Variants in LYPLAL1 observed in about 807,000 individuals in gnomAD.
LYPLAL1 encodes lysophospholipase like 1, also known as lysophospholipase-like protein 1.
LYPLAL1 carries 23 observed loss-of-function variants against 19.7 expected under a neutral mutation model. The observed-to-expected ratio is 1.17, with a 90% CI of 0.84 to 1.65. The LOEUF (loss-of-function observed/expected upper bound fraction) is 1.65, where lower values mean the gene tolerates loss of function less well. Ranked by LOEUF, LYPLAL1 falls within the 40% of genes most tolerant of loss-of-function variation. The pLI is 0.00. For missense variants in LYPLAL1, 355 were observed against 279.4 expected (o/e 1.27, Z -1.93); for synonymous variants, 119 against 96.3 (o/e 1.24, Z -1.38).
At chr1:219,304,242 T>G in the LYPLAL1 span, among the ~76,000 whole-genome samples, 2 of 152,238 alleles carry the variant, frequency 1.3e-5, no homozygotes, top group South Asian at 4.1e-4. Flanking sequence ...CATATCTTAA[T>G]ATATTTGTGG....
At chr1:219,431,560 C>T in the LYPLAL1 span, among the ~76,000 whole-genome samples, 2 of 152,238 alleles carry the variant, frequency 1.3e-5, no homozygotes, top group African/African-American at 2.4e-5. Flanking sequence ...CTGCCACTGA[C>T]ATGGCACAGT....
chr1:219,187,802 T>C (rs764078928), intron 2 of LYPLAL1, among the ~76,000 whole-genome samples: 1 of 151,694 alleles, frequency 6.6e-6, no homozygotes, highest in Non-Finnish European at 1.5e-5. Flanking sequence ...AGGAGAGCCC[T>C]CTCCTGATAA....
chr1:219,202,522 A>G (rs1658198712), intron 3 of LYPLAL1, among the ~76,000 whole-genome samples: 1 of 152,160 alleles, frequency 6.6e-6, no homozygotes, highest in South Asian at 2.1e-4. Context: ...ACTTTTGTAC[A>G]GTGTCTATTA....
the LYPLAL1 span, among the ~76,000 whole-genome samples, chr1:219,241,134 C>CTCTCTATATATATATATA: frequency 1.1e-3 from 49 of 44,350 alleles, no homozygotes; most frequent in Middle Eastern, 0.016. Flanking sequence ...CTCTCTCTCT[C>CTCTCTATATATATATATA]TATATATATA....
the LYPLAL1 span, among the ~76,000 whole-genome samples, chr1:219,260,542 ATACT>A: frequency 6.0e-5 from 9 of 151,130 alleles, no homozygotes; most frequent in Admixed American, 1.3e-4. Context: ...AGAACTGGAG[ATACT>A]TAGTAGGCTC....
chr1:219,251,659 C>T, the LYPLAL1 span, among the ~76,000 whole-genome samples: 1 of 151,968 alleles, frequency 6.6e-6, no homozygotes, highest in Non-Finnish European at 1.5e-5. Context: ...GTATCAGTAC[C>T]ATAGTGTTTT....
chr1:219,273,293 A>G, the LYPLAL1 span: 1 of 152,202 alleles, frequency 6.6e-6, no homozygotes, highest in African/African-American at 2.4e-5. Flanking sequence ...TCAACATACA[A>G]TCTTTCTTGT....
chr1:219,208,042 A>G (rs1464586601), intron 3 of LYPLAL1, among the ~76,000 whole-genome samples: 2 of 151,952 alleles, frequency 1.3e-5, no homozygotes, highest in Non-Finnish European at 2.9e-5. Context: ...TTTATTATTA[A>G]CAGTGTGTTT....
chr1:219,375,923 A>G, the LYPLAL1 span, among the ~76,000 whole-genome samples: 2 of 151,924 alleles, frequency 1.3e-5, no homozygotes, highest in Non-Finnish European at 2.9e-5. Context: ...TTGTACTTTT[A>G]GTAGAGACGG....
At chr1:219,309,739 C>A in the LYPLAL1 span, among the ~76,000 whole-genome samples, 1 of 152,212 alleles carries the variant, frequency 6.6e-6, no homozygotes, top group Non-Finnish European at 1.5e-5. Context: ...CCATGTGGAA[C>A]TGTAAGTTCA....
intron 2 of LYPLAL1, among the ~76,000 whole-genome samples, chr1:219,183,297 T>A (rs2125038040): frequency 6.6e-6 from 1 of 152,194 alleles, no homozygotes; most frequent in Middle Eastern, 3.4e-3. Flanking sequence ...TTCTATTGAT[T>A]TGTTGGAGTT....
the LYPLAL1 span, among the ~76,000 whole-genome samples, chr1:219,399,173 G>T: frequency 2.0e-5 from 3 of 152,172 alleles, no homozygotes; most frequent in Non-Finnish European, 4.4e-5. Flanking sequence ...AGCTGGGGCG[G>T]GGGGGCCTCC....
At chr1:219,394,165 A>G in the LYPLAL1 span, among the ~76,000 whole-genome samples, 4 of 152,220 alleles carry the variant, frequency 2.6e-5, no homozygotes, top group African/African-American at 9.6e-5. Flanking sequence ...AGATATGAGG[A>G]TATGTTTTTG....
chr1:219,317,824 A>G, the LYPLAL1 span, among the ~76,000 whole-genome samples: 3 of 152,168 alleles, frequency 2.0e-5, no homozygotes, highest in African/African-American at 7.2e-5. Flanking sequence ...TAGCCTAGGC[A>G]TCCTTCACTC....
the LYPLAL1 span, among the ~76,000 whole-genome samples, chr1:219,294,190 G>T: frequency 6.6e-6 from 1 of 152,204 alleles, no homozygotes; most frequent in Admixed American, 6.5e-5. Flanking sequence ...AGATGCTCCT[G>T]AGAGGGCAAA....
the LYPLAL1 span, among the ~76,000 whole-genome samples, chr1:219,439,660 C>G: frequency 6.6e-6 from 1 of 152,062 alleles, no homozygotes; most frequent in South Asian, 2.1e-4. Flanking sequence ...TTCATAAGTG[C>G]TTGCTCAGCT....
At chr1:219,426,043 T>C in the LYPLAL1 span, among the ~76,000 whole-genome samples, 1 of 152,210 alleles carries the variant, frequency 6.6e-6, no homozygotes, top group South Asian at 2.1e-4. Flanking sequence ...CGGTAGAGAC[T>C]TCACAAGAAG....
chr1:219,239,577 T>C, the LYPLAL1 span, among the ~76,000 whole-genome samples: 2 of 152,354 alleles, frequency 1.3e-5, no homozygotes, highest in Admixed American at 6.5e-5. Flanking sequence ...GTGTGTTCTC[T>C]TGTGTCAGCA....
chr1:219,299,435 T>C, the LYPLAL1 span, among the ~76,000 whole-genome samples: 4 of 152,106 alleles, frequency 2.6e-5, no homozygotes, highest in East Asian at 1.9e-4. Context: ...CAAAGAGATA[T>C]CTGTGTTTTT....
Sources: gnomAD v4.1 joint callset for allele counts (sites outside exome capture counted in the v4.1 genomes callset) on GRCh38, gnomAD v4.1.1 for gene constraint, MANE v1.5 for transcripts, NCBI Gene and HGNC (gene_info 2026-07-23, HGNC 2026-07-21) for gene names.